The following ERG variants were observed in gnomAD, a reference collection of about 807,000 sequenced individuals.
ERG encodes ETS transcription factor ERG.
A neutral mutation model predicts 55.3 loss-of-function variants in ERG; 9 were observed. That is an observed-to-expected ratio of 0.16 (90% CI 0.10 to 0.28). ERG has a LOEUF of 0.28. Ranked by LOEUF, ERG falls within the 10% of genes least tolerant of loss-of-function variation. ERG has a pLI of 1.00. For missense variants in ERG, 434 were observed against 631.6 expected (o/e 0.69, Z 3.35); for synonymous variants, 223 against 237.3 (o/e 0.94, Z 0.55).
At chr21:38,412,305 T>C (rs951485782) in intron 3 of ERG, among the ~76,000 whole-genome samples, 2 of 152,194 alleles carry the variant, frequency 1.3e-5, no homozygotes, top group African/African-American at 4.8e-5. Context: ...TTCATTCACT[T>C]TTTTTTCTTT....
At chr21:38,584,844 C>T (rs1337738284) in exon 1 of ERG, 1 of 152,204 alleles carries the variant, frequency 6.6e-6, no homozygotes, top group Non-Finnish European at 1.5e-5. Flanking sequence ...TTCATTTTAC[C>T]TTTAGTTGCC....
At chr21:38,596,965 C>A (rs2060135034) in intron 1 of ERG, among the ~76,000 whole-genome samples, 1 of 152,224 alleles carries the variant, frequency 6.6e-6, no homozygotes. Context: ...CCAAAAAGCA[C>A]TGAGACTCTT....
At chr21:38,549,332 T>C (rs1452860111) in intron 2 of ERG, among the ~76,000 whole-genome samples, 1 of 152,268 alleles carries the variant, frequency 6.6e-6, no homozygotes, top group Middle Eastern at 3.4e-3. Context: ...CCCAAACTAT[T>C]GCACATCCTG....
chr21:38,480,301 C>T (rs929358904), intron 1 of ERG, among the ~76,000 whole-genome samples: 1 of 152,100 alleles, frequency 6.6e-6, no homozygotes, highest in Non-Finnish European at 1.5e-5. Flanking sequence ...AAAGTGGAAT[C>T]GCGGATAAGA....
chr21:38,585,964 AT>A, upstream of ERG, among the ~76,000 whole-genome samples: 1 of 152,150 alleles, frequency 6.6e-6, no homozygotes, highest in African/African-American at 2.4e-5. Flanking sequence ...AGAAAAAAAA[AT>A]AAGTGGATGA....
At chr21:38,402,671 A>G in intron 4 of ERG, 34 bp from the exon 5 acceptor site, 2 of 1,045,900 alleles carry the variant, frequency 1.9e-6, no homozygotes, top group Non-Finnish European at 2.7e-6. Flanking sequence ...CATCAAAATG[A>G]AAAAAAAAAG....
At chr21:38,397,634 TAAAAG>T (rs920822559) in intron 6 of ERG, among the ~76,000 whole-genome samples, 7 of 119,884 alleles carry the variant, frequency 5.8e-5, no homozygotes, top group East Asian at 2.3e-4. Context: ...GAAAAGAAGA[TAAAAG>T]AAAAGAAAAG....
At chr21:38,490,580 C>T (rs927005568) in intron 1 of ERG, among the ~76,000 whole-genome samples, 5 of 152,218 alleles carry the variant, frequency 3.3e-5, no homozygotes, top group Non-Finnish European at 5.9e-5. Flanking sequence ...GCCCACTGCA[C>T]GAGACCCCTC....
chr21:38,402,670 GAA>G (rs141961937), intron 4 of ERG, 33 bp from the exon 5 acceptor site: 16 of 593,568 alleles, frequency 2.7e-5, no homozygotes, highest in Middle Eastern at 3.3e-4. Context: ...ACATCAAAAT[GAA>G]AAAAAAAAGA....
chr21:38,612,581 G>GT (rs1452135398), intron 1 of ERG, among the ~76,000 whole-genome samples: 1 of 151,436 alleles, frequency 6.6e-6, no homozygotes, highest in Non-Finnish European at 1.5e-5. Flanking sequence ...CTGAAGCATT[G>GT]TAAGTCTTCA....
intron 2 of ERG, among the ~76,000 whole-genome samples, chr21:38,539,922 A>G (rs1187049946): frequency 7.3e-6 from 1 of 137,682 alleles, no homozygotes; most frequent in African/African-American, 2.7e-5. Context: ...TTTGAGACAG[A>G]GTCTTGCTCT....
chr21:38,630,110 A>T (rs1467449260), intron 1 of ERG, among the ~76,000 whole-genome samples: 2 of 152,008 alleles, frequency 1.3e-5, no homozygotes, highest in Non-Finnish European at 2.9e-5. Context: ...GGAAAGGGGG[A>T]AGGGGGAATT....
chr21:38,450,343 A>C (rs1256204512), intron 1 of ERG, among the ~76,000 whole-genome samples: 2 of 152,116 alleles, frequency 1.3e-5, no homozygotes, highest in Admixed American at 6.6e-5. Context: ...ACGCGACTGC[A>C]CTCCAGCCGA....
downstream of ERG, among the ~76,000 whole-genome samples, chr21:38,379,774 C>A (rs559597588): frequency 1.9e-3 from 287 of 152,272 alleles, 2 homozygotes; most frequent in African/African-American, 6.5e-3. Flanking sequence ...GGGTGTCACT[C>A]TGTCACCCAG....
chr21:38,521,654 A>C (rs988953380), intron 2 of ERG, among the ~76,000 whole-genome samples: 1 of 152,238 alleles, frequency 6.6e-6, no homozygotes, highest in Non-Finnish European at 1.5e-5. Flanking sequence ...GCAAAAAAAC[A>C]TAATTCAAGT....
chr21:38,499,280 C>T (rs2059403498), upstream of ERG, among the ~76,000 whole-genome samples: 1 of 152,184 alleles, frequency 6.6e-6, no homozygotes, highest in Non-Finnish European at 1.5e-5. Context: ...GAACTTTTGG[C>T]TACCCAGAGA....
chr21:38,613,846 G>C (rs1236558597), intron 1 of ERG, among the ~76,000 whole-genome samples: 3 of 152,080 alleles, frequency 2.0e-5, no homozygotes, highest in Admixed American at 2.0e-4. Flanking sequence ...CCAACCACAG[G>C]CTGGGCCCCC....
At chr21:38,632,305 G>A (rs910300809) in intron 1 of ERG, among the ~76,000 whole-genome samples, 14 of 152,106 alleles carry the variant, frequency 9.2e-5, no homozygotes, top group African/African-American at 1.2e-4. Context: ...AATGCAGATT[G>A]AAAACACAAA....
chr21:38,546,193 G>C (rs982403013), intron 2 of ERG, among the ~76,000 whole-genome samples: 10 of 152,112 alleles, frequency 6.6e-5, no homozygotes, highest in African/African-American at 2.4e-4. Flanking sequence ...CTGGATATAA[G>C]TGCAAACTCC....
Sources: allele counts gnomAD v4.1 joint callset (sites outside exome capture counted in the v4.1 genomes callset), GRCh38; gene constraint gnomAD v4.1.1; transcripts MANE v1.5; gene names NCBI Gene and HGNC (gene_info 2026-07-23, HGNC 2026-07-21).